SEH1L: variants seen among roughly 807,000 people sequenced by gnomAD.
SEH1L encodes the protein SEH1 like nucleoporin.
A neutral mutation model predicts 49.5 loss-of-function variants in SEH1L; 18 were observed. The observed-to-expected ratio is 0.36, with a 90% CI of 0.25 to 0.54. The LOEUF is 0.54. Ranked by LOEUF, SEH1L falls within the 20% of genes least tolerant of loss-of-function variation. SEH1L has a pLI of 0.87. For synonymous variants in SEH1L, 169 were observed against 178.1 expected (o/e 0.95, Z 0.41); for missense variants, 404 against 528.8 (o/e 0.76, Z 2.31).
chr18:12,958,365 C>T (rs1308782380), intron 3 of SEH1L, among the ~76,000 whole-genome samples: 1 of 152,064 alleles, frequency 6.6e-6, no homozygotes, highest in Non-Finnish European at 1.5e-5. Flanking sequence ...GGATTACAGG[C>T]GTGAGCCACC....
intron 4 of SEH1L, among the ~76,000 whole-genome samples, chr18:12,969,822 G>A (rs1039772700): frequency 6.6e-6 from 1 of 151,876 alleles, no homozygotes; most frequent in Admixed American, 6.6e-5. Flanking sequence ...AACCCAGGAG[G>A]TGGAGGTTGC....
chr18:12,973,167 C>T (rs1006134483), intron 5 of SEH1L: 3 of 152,094 alleles, frequency 2.0e-5, no homozygotes, highest in Non-Finnish European at 4.4e-5. Flanking sequence ...AAAATTGCAC[C>T]ACTTCACTCC....
Position 12,986,997 on chromosome 18 carries a change from C to T in SEH1L, c.1206C>T (p.His402=), listed in dbSNP as rs1486563823. Residue 402 remains histidine (H), a synonymous_variant, in exon 9 of 9, where the codon CAC becomes CAT. Transcript: ENST00000399892. Reference sequence around the variant, plus strand: ...ACACTGCCAACCTCCAGTATCCTCACCCTCGCAGACGATATCTCTCTCGGC... The same window carrying T: ...ACACTGCCAACCTCCAGTATCCTCATCCTCGCAGACGATATCTCTCTCGGC... ...DADTANLQYP[H]PRRRYLSRPL... 1 of 1,613,758 alleles carries T rather than the reference C, an allele frequency of 6.2e-7. No homozygotes were observed. The highest frequency in any genetic ancestry group is 1.7e-5 in the Admixed American group (1 of 59,998).
chr18:12,967,923 A>G (rs1324359372), intron 4 of SEH1L, among the ~76,000 whole-genome samples: 2 of 152,088 alleles, frequency 1.3e-5, no homozygotes, highest in Non-Finnish European at 2.9e-5. Context: ...AAAAAGAGAA[A>G]AAAAAGAAAA....
At chr18:12,960,869 C>T (rs2031140206) in intron 3 of SEH1L, among the ~76,000 whole-genome samples, 1 of 152,168 alleles carries the variant, frequency 6.6e-6, no homozygotes, top group Non-Finnish European at 1.5e-5. Flanking sequence ...GAAAGAATTC[C>T]ACCTAGGGGC....
chr18:12,980,847 CG>C (rs1274243287), intron 6 of SEH1L, among the ~76,000 whole-genome samples: 2 of 139,550 alleles, frequency 1.4e-5, no homozygotes, highest in Admixed American at 7.0e-5. Flanking sequence ...CCCTTCCGGA[CG>C]GGGCGGCTGG....
At chr18:12,985,167 T>C in intron 8 of SEH1L, 4 of 1,499,032 alleles carry the variant, frequency 2.7e-6, no homozygotes, top group East Asian at 2.3e-5. Flanking sequence ...TGTATTCTTA[T>C]TGTGCCAATA....
rs111723530 is a variant in SEH1L at position 12,978,484 on chromosome 18, C to T, written c.621-268C>T. 2.3e-5 allele frequency: 7 copies of T among 307,636 alleles called. 1 individual carries two copies. The highest frequency in any genetic ancestry group is 5.6e-5 in the East Asian group (1 of 17,874). 19.1% of individuals were successfully genotyped at this position (307,636 alleles called of 1,614,324 possible). A position where few individuals can be genotyped will look rare whatever the true frequency, so the allele number is the denominator to read the frequency against. Reference sequence around the variant, plus strand: ...TTCTTTTTAAAGAATACTTACTGCACGTTGGATTTAGGACCCACCCTAAAT... The same window carrying T: ...TTCTTTTTAAAGAATACTTACTGCATGTTGGATTTAGGACCCACCCTAAAT... On this transcript the variant is annotated intron_variant, in intron 5 of 8. Transcript: ENST00000399892.
At chr18:12,985,901 A>G (rs964387673) in intron 8 of SEH1L, 8 of 963,504 alleles carry the variant, frequency 8.3e-6, no homozygotes, top group East Asian at 1.1e-4. Flanking sequence ...AGCATTTGGT[A>G]TTGTTTCATT....
intron 4 of SEH1L, among the ~76,000 whole-genome samples, chr18:12,965,009 C>CTTTTTTT (rs138934038): frequency 3.6e-4 from 30 of 82,628 alleles, no homozygotes; most frequent in Non-Finnish European, 4.9e-4. Flanking sequence ...TTTCCTCATT[C>CTTTTTTT]TTTTTTTTTT....
chr18:12,980,799 G>A (rs1156286053), intron 6 of SEH1L, among the ~76,000 whole-genome samples: 11 of 92,052 alleles, frequency 1.2e-4, no homozygotes, highest in East Asian at 5.3e-4. Context: ...CCTCCCGGAC[G>A]GGGCGGCTGG....
chr18:12,978,969 A>G lies in SEH1L; in HGVS notation c.761+77A>G, dbSNP rs1243478077. On this transcript the variant is annotated intron_variant, in intron 6 of 8. Transcript: ENST00000399892. Reference sequence around the variant, plus strand: ...CCTTTGTTTGTGGAGGAGAGAGTAGAGGTAACTATGATTTGGTTTATATTT... The same window carrying G: ...CCTTTGTTTGTGGAGGAGAGAGTAGGGGTAACTATGATTTGGTTTATATTT... The G allele has an allele frequency of 2.2e-6, 3 of 1,336,504 alleles. No individual in the cohort carries two copies. The East Asian group carries it at 6.9e-5, about 31-fold the overall frequency. 82.8% of individuals were successfully genotyped at this position (1,336,504 alleles called of 1,614,324 possible). A position where few individuals can be genotyped will look rare whatever the true frequency, so the allele number is the denominator to read the frequency against.
intron 4 of SEH1L, among the ~76,000 whole-genome samples, chr18:12,965,304 G>A (rs1208647646): frequency 6.6e-6 from 1 of 152,140 alleles, no homozygotes; most frequent in Non-Finnish European, 1.5e-5. Context: ...GAGCCACCTC[G>A]CCCAGTCCAT....
At position 12,955,446 on chromosome 18, in the gene SEH1L, T is replaced by C. The variant is rs779792643; in HGVS notation, c.163-17T>C. 1.2e-3 allele frequency: 1,962 copies of C among 1,589,394 alleles called. 14 individuals are homozygous for C. The highest frequency in any genetic ancestry group is 6.0e-4 in the Non-Finnish European group (704 of 1,170,718). On this transcript the variant is annotated splice_polypyrimidine_tract_variant and intron_variant, in intron 2 of 8. Transcript: ENST00000399892. ...AATGAGTATCTGTTCTTTTCTTTTT[T>C]TTTTTTGATTCCCCAGACACATAGT...
intron 6 of SEH1L, among the ~76,000 whole-genome samples, chr18:12,980,849 G>A (rs2032208713): frequency 6.9e-6 from 1 of 144,196 alleles, no homozygotes; most frequent in African/African-American, 2.6e-5. Flanking sequence ...CTTCCGGACG[G>A]GGCGGCTGGC....
Position 12,987,080 on chromosome 18 carries a change from G to A in SEH1L, c.*23G>A. On this transcript the variant is annotated 3_prime_UTR_variant, in exon 9 of 9. Coordinates refer to ENST00000399892, the MANE Select transcript of SEH1L (RefSeq NM_001013437.2). ...TAAAACACTGATTTAACATTGAAAGGCCTTATTCAAGTGCTTGTAAATGCT... is the reference window on the plus strand; with the variant it reads ...TAAAACACTGATTTAACATTGAAAGACCTTATTCAAGTGCTTGTAAATGCT... The A allele has an allele frequency of 2.7e-6, 4 of 1,500,892 alleles. No homozygotes were observed. Among genetic ancestry groups the A allele is most frequent in the Non-Finnish European group, 3.6e-6 (4 of 1,099,174 alleles). 93.0% of individuals were successfully genotyped at this position (1,500,892 alleles called of 1,614,324 possible).
intron 5 of SEH1L, chr18:12,974,539 A>T (rs552398112): frequency 6.6e-6 from 1 of 152,140 alleles, no homozygotes; most frequent in African/African-American, 2.4e-5. Context: ...CAGCCTTCCA[A>T]AGTGCTGGGA....
At chr18:12,974,729 A>G (rs1023009415) in intron 5 of SEH1L, among the ~76,000 whole-genome samples, 1 of 152,196 alleles carries the variant, frequency 6.6e-6, no homozygotes, top group African/African-American at 2.4e-5. Flanking sequence ...ATGTGTTTAT[A>G]TAGGTTACCG....
At chr18:12,957,836 C>T (rs1185427532) in intron 3 of SEH1L, among the ~76,000 whole-genome samples, 7 of 152,064 alleles carry the variant, frequency 4.6e-5, no homozygotes, top group Non-Finnish European at 1.0e-4. Flanking sequence ...CCCACCTTAG[C>T]CCCACAAGTA....
Sources: allele counts gnomAD v4.1 joint callset (sites outside exome capture counted in the v4.1 genomes callset), GRCh38; gene constraint gnomAD v4.1.1; transcripts MANE v1.5; gene names NCBI Gene and HGNC (gene_info 2026-07-23, HGNC 2026-07-21).